TAFA1: variants seen among roughly 807,000 people sequenced by gnomAD.
The protein encoded by TAFA1 is TAFA chemokine like family member 1, also known as chemokine-like protein TAFA-1.
A neutral mutation model predicts 18.5 loss-of-function variants in TAFA1; 4 were observed. The observed-to-expected ratio is 0.22, with a 90% CI of 0.11 to 0.49. The LOEUF is 0.49. Ranked by LOEUF, TAFA1 falls within the 20% of genes least tolerant of loss-of-function variation. The pLI is 0.98. For missense variants in TAFA1, 147 were observed against 169.0 expected (o/e 0.87, Z 0.72); for synonymous variants, 56 against 55.2 (o/e 1.01, Z -0.06).
chr3:68,265,744 T>C (rs1028304956), intron 2 of TAFA1, among the ~76,000 whole-genome samples: 17 of 152,174 alleles, frequency 1.1e-4, no homozygotes, highest in African/African-American at 3.6e-4. Context: ...TTCATTCCCC[T>C]GGCTGTGAAC....
chr3:68,505,211 G>C (rs1199470694), intron 3 of TAFA1, among the ~76,000 whole-genome samples: 1 of 152,100 alleles, frequency 6.6e-6, no homozygotes, highest in Non-Finnish European at 1.5e-5. Context: ...CTTTTCAAGT[G>C]TTCAACCAAA....
intron 2 of TAFA1, among the ~76,000 whole-genome samples, chr3:68,132,707 A>T (rs57663439): frequency 0.043 from 6,574 of 152,136 alleles, 480 homozygotes; most frequent in African/African-American, 0.15. Flanking sequence ...TTCTTTGCCC[A>T]CTTTTTGATG....
intron 3 of TAFA1, among the ~76,000 whole-genome samples, chr3:68,474,163 G>A (rs1245091514): frequency 6.6e-6 from 1 of 151,068 alleles, no homozygotes; most frequent in African/African-American, 2.4e-5. Flanking sequence ...CATAATACTA[G>A]TATGTTATTA....
In TAFA1 at chr3:68,471,831, C is replaced by CA. The variant is rs745764678; in HGVS notation, c.259+54414dup. On this transcript the variant is annotated intron_variant, in intron 3 of 4. Coordinates refer to ENST00000478136, the MANE Select transcript of TAFA1 (RefSeq NM_213609.4). ...TCAATATTAACCATCACAGTGTATG[C>CA]AAAGCACTGAGACTTGGGACTGTTA... is the stretch of plus-strand genomic sequence containing the variant. Among the ~76,000 whole-genome samples, 17 of 152,200 alleles carry CA rather than the reference C, an allele frequency of 1.1e-4. 1 individual carries two copies. The highest frequency in any genetic ancestry group is 2.5e-4 in the Non-Finnish European group (17 of 68,036).
chr3:68,128,339 T>A (rs910621914), intron 2 of TAFA1, among the ~76,000 whole-genome samples: 1 of 152,178 alleles, frequency 6.6e-6, no homozygotes, highest in African/African-American at 2.4e-5. Context: ...TAGAGTGTGA[T>A]AAATAGGAAA....
intron 3 of TAFA1, among the ~76,000 whole-genome samples, chr3:68,469,043 C>T (rs1405605950): frequency 1.3e-5 from 2 of 152,026 alleles, no homozygotes; most frequent in African/African-American, 4.8e-5. Flanking sequence ...ACTGAAGCAC[C>T]TTTCCAAGCA....
intron 2 of TAFA1, among the ~76,000 whole-genome samples, chr3:68,384,551 C>T (rs2070049074): frequency 6.6e-6 from 1 of 151,866 alleles, no homozygotes; most frequent in Admixed American, 6.6e-5. Context: ...GGTTTCAGTT[C>T]TTTTGCATTT....
At position 68,100,671 on chromosome 3, in the gene TAFA1, A is replaced by T. The variant is rs541148811; in HGVS notation, c.118+93927A>T. On this transcript the variant is annotated intron_variant, in intron 2 of 4. Transcript: ENST00000478136. ...TTGACCCAATATAAATCTATTAATC[A>T]ATAAAGGCATATTTCCTGATATCTC... Among the ~76,000 whole-genome samples, 14 of 152,318 alleles carry T rather than the reference A, an allele frequency of 9.2e-5. No individual in the cohort carries two copies. The South Asian group carries it at 2.5e-3, about 27-fold the overall frequency.
At chr3:68,413,099 T>C (rs1349092508) in intron 2 of TAFA1, among the ~76,000 whole-genome samples, 1 of 152,096 alleles carries the variant, frequency 6.6e-6, no homozygotes, top group Non-Finnish European at 1.5e-5. Context: ...TCTCATTGTG[T>C]TTTTGATTTG....
intron 3 of TAFA1, among the ~76,000 whole-genome samples, chr3:68,418,318 G>T (rs552006643): frequency 3.3e-5 from 5 of 152,150 alleles, no homozygotes; most frequent in South Asian, 2.1e-4. Context: ...AAGGGGAGTT[G>T]TTCTCTGGTG....
At chr3:68,514,119 C>T (rs1031735503) in intron 3 of TAFA1, among the ~76,000 whole-genome samples, 5 of 152,062 alleles carry the variant, frequency 3.3e-5, no homozygotes, top group African/African-American at 4.8e-5. Flanking sequence ...ATCCCATTTG[C>T]GAGGGCTCCA....
At chr3:68,329,584 A>G (rs920854735) in intron 2 of TAFA1, among the ~76,000 whole-genome samples, 3 of 152,136 alleles carry the variant, frequency 2.0e-5, no homozygotes, top group Admixed American at 1.3e-4. Flanking sequence ...GCTCTCAAAC[A>G]AGACTCTTGT....
At chr3:68,543,937 A>T (rs2073417293) in intron 4 of TAFA1, among the ~76,000 whole-genome samples, 1 of 152,088 alleles carries the variant, frequency 6.6e-6, no homozygotes, top group African/African-American at 2.4e-5. Context: ...GATGTGGTCT[A>T]ACCTTGACAA....
intron 2 of TAFA1, among the ~76,000 whole-genome samples, chr3:68,148,891 T>C (rs1050022242): frequency 4.6e-5 from 7 of 152,228 alleles, no homozygotes; most frequent in Non-Finnish European, 7.3e-5. Context: ...AAATGGAATA[T>C]AGAATACCAA....
At chr3:68,333,644 C>T (rs2106736095) in intron 2 of TAFA1, among the ~76,000 whole-genome samples, 1 of 152,214 alleles carries the variant, frequency 6.6e-6, no homozygotes, top group East Asian at 1.9e-4. Context: ...AAAAATAGAA[C>T]TAACATGTAA....
At chr3:68,041,962 G>C (rs906269664) in intron 2 of TAFA1, among the ~76,000 whole-genome samples, 5 of 152,046 alleles carry the variant, frequency 3.3e-5, no homozygotes, top group African/African-American at 1.2e-4. Context: ...AAAGAGCTTT[G>C]GCTGGACACC....
intron 1 of TAFA1, 123 bp from the exon 2 acceptor site, chr3:68,006,501 G>C (rs1366218678): frequency 5.7e-6 from 4 of 704,120 alleles, no homozygotes; most frequent in Non-Finnish European, 1.0e-5. Context: ...TGGATCATTA[G>C]TTCTAGCCAG....
chr3:68,082,012 G>A lies in TAFA1; in HGVS notation c.118+75268G>A, dbSNP rs183783545. Among the ~76,000 whole-genome samples, 1,438 of 152,174 alleles carry A rather than the reference G, an allele frequency of 9.4e-3. 13 individuals carry two copies. Among genetic ancestry groups the A allele is most frequent in the South Asian group, 0.017 (83 of 4,812 alleles). On this transcript the variant is annotated intron_variant, in intron 2 of 4. Transcript: ENST00000478136. ...TGAGCCAGGTGCAGGATATAATCTC[G>A]TGGTGCGCTGTTTTTTAAGCCCATT...
chr3:68,372,027 T>C (rs376228129), intron 2 of TAFA1, among the ~76,000 whole-genome samples: 45 of 152,346 alleles, frequency 3.0e-4, no homozygotes, highest in African/African-American at 1.1e-3. Context: ...TAGTATCTAA[T>C]GGGCCAAACT....
Sources: allele counts gnomAD v4.1 joint callset (sites outside exome capture counted in the v4.1 genomes callset), GRCh38; gene constraint gnomAD v4.1.1; transcripts MANE v1.5; gene names NCBI Gene and HGNC (gene_info 2026-07-23, HGNC 2026-07-21).